Variants in WDPCP observed in about 807,000 individuals in gnomAD.
The protein encoded by WDPCP is WD repeat-containing and planar cell polarity effector protein fritz homolog.
WDPCP carries 71 observed loss-of-function variants against 93.1 expected under a neutral mutation model. The ratio of observed to expected loss-of-function variants is 0.76; its 90% CI spans 0.63 to 0.93. The LOEUF (loss-of-function observed/expected upper bound fraction) is 0.93. Among genes scored for constraint, WDPCP ranks in the 40% least tolerant of loss-of-function variants. The probability of loss-of-function intolerance (pLI) is 0.00; values close to 1 mark genes in which losing one functional copy is unlikely to be tolerated. For synonymous variants in WDPCP, 315 were observed against 315.0 expected, an observed-to-expected ratio of 1.00 and a Z score of 0.00; for missense variants, 844 against 887.4, an observed-to-expected ratio of 0.95 and a Z score of 0.62.
At chr2:63,162,952 GC>G (rs1411007182) in intron 15 of WDPCP, among the ~76,000 whole-genome samples, 5 of 152,094 alleles carry the variant, frequency 3.3e-5, no homozygotes, top group Admixed American at 2.6e-4. Context: ...AAATTTTGGT[GC>G]CTTAGATTTT....
intron 11 of WDPCP, among the ~76,000 whole-genome samples, chr2:63,379,633 T>G (rs1692137354): frequency 6.6e-6 from 1 of 152,192 alleles, no homozygotes; most frequent in African/African-American, 2.4e-5. Flanking sequence ...CATGGAATAC[T>G]CATAACTCCC....
intron 2 of WDPCP, among the ~76,000 whole-genome samples, chr2:63,767,338 T>A (rs1670156145): frequency 6.6e-6 from 1 of 152,164 alleles, no homozygotes; most frequent in African/African-American, 2.4e-5. Context: ...GGGTGTAAGT[T>A]TTCATTTATC....
At chr2:63,254,403 A>ACTT (rs1453358461) in intron 14 of WDPCP, among the ~76,000 whole-genome samples, 1 of 152,132 alleles carries the variant, frequency 6.6e-6, no homozygotes, top group Non-Finnish European at 1.5e-5. Flanking sequence ...AAAGAAAAAA[A>ACTT]CTTCTAAAAA....
intron 1 of WDPCP, 70 bp downstream of exon 1, chr2:63,588,127 G>C (rs1276220706): frequency 2.1e-5 from 32 of 1,524,790 alleles, no homozygotes; most frequent in Non-Finnish European, 2.7e-5. Flanking sequence ...AGCAAAGCGG[G>C]ACGGCGCACC....
chr2:63,158,868 G>A (rs1383927826), intron 15 of WDPCP, among the ~76,000 whole-genome samples: 11 of 150,930 alleles, frequency 7.3e-5, no homozygotes, highest in Non-Finnish European at 1.2e-4. Flanking sequence ...CAGGCATGGT[G>A]GCTCACACCT....
At chr2:63,655,456 C>T (rs562284389) in intron 2 of WDPCP, among the ~76,000 whole-genome samples, 5 of 152,084 alleles carry the variant, frequency 3.3e-5, no homozygotes, top group South Asian at 4.2e-4. Context: ...CCTTGCTATA[C>T]ACTCTTCTAT....
chr2:63,744,447 A>C (rs1669765739), intron 2 of WDPCP, among the ~76,000 whole-genome samples: 1 of 152,224 alleles, frequency 6.6e-6, no homozygotes. Context: ...GTTAATTGAT[A>C]AGCTTCTTCC....
intron 1 of WDPCP, among the ~76,000 whole-genome samples, chr2:63,523,333 A>C (rs751041724): frequency 6.6e-6 from 1 of 152,214 alleles, no homozygotes; most frequent in African/African-American, 2.4e-5. Flanking sequence ...ATTTATGACA[A>C]ACCCACAGCC....
chr2:63,122,895 A>G (rs969693059), intron 17 of WDPCP, among the ~76,000 whole-genome samples: 3 of 152,264 alleles, frequency 2.0e-5, no homozygotes, highest in South Asian at 2.1e-4. Flanking sequence ...TTATATCTTA[A>G]AAGTTATTTT....
At chr2:63,188,659 CTT>C (rs2104192954) in intron 14 of WDPCP, among the ~76,000 whole-genome samples, 1 of 152,004 alleles carries the variant, frequency 6.6e-6, no homozygotes, top group East Asian at 1.9e-4. Context: ...AATAGTTTCT[CTT>C]TGTTGATATT....
chr2:63,255,754 GAGACTAACACATTTCC>G (rs1227468745), intron 14 of WDPCP, among the ~76,000 whole-genome samples: 1 of 152,092 alleles, frequency 6.6e-6, no homozygotes, highest in African/African-American at 2.4e-5. Context: ...GCAATGCAAA[GAGACTAACACATTTCC>G]AGACGACATG....
chr2:63,534,007 C>CA (rs144011772), intron 1 of WDPCP, among the ~76,000 whole-genome samples: 40,132 of 151,330 alleles, frequency 0.27, 6,218 homozygotes, highest in East Asian at 0.72. Flanking sequence ...CAAATAGATG[C>CA]AAAAAAAATG....
chr2:63,546,870 TAAA>T (rs1705190992), intron 1 of WDPCP, among the ~76,000 whole-genome samples: 1 of 151,608 alleles, frequency 6.6e-6, no homozygotes, highest in South Asian at 2.1e-4. Flanking sequence ...TCTAAAGACA[TAAA>T]AAACAGGGTT....
At chr2:63,451,871 A>G (rs1263765298) in intron 6 of WDPCP, among the ~76,000 whole-genome samples, 1 of 152,240 alleles carries the variant, frequency 6.6e-6, no homozygotes, top group Non-Finnish European at 1.5e-5. Context: ...AGATGCAGAA[A>G]AGGCCTTTGA....
At chr2:63,566,637 T>C (rs1436030345) in intron 1 of WDPCP, among the ~76,000 whole-genome samples, 2 of 152,084 alleles carry the variant, frequency 1.3e-5, no homozygotes, top group East Asian at 1.9e-4. Context: ...TGTGTGGAGG[T>C]TGTCCACACC....
chr2:63,497,589 G>A (rs1341979002), intron 1 of WDPCP, among the ~76,000 whole-genome samples: 1 of 152,098 alleles, frequency 6.6e-6, no homozygotes, highest in Non-Finnish European at 1.5e-5. Context: ...ATAATAACTA[G>A]ATGGGCAAGG....
At chr2:63,392,374 C>A (rs983492193) in intron 10 of WDPCP, among the ~76,000 whole-genome samples, 3 of 152,156 alleles carry the variant, frequency 2.0e-5, no homozygotes, top group African/African-American at 7.2e-5. Context: ...ACACCTTATA[C>A]AAAAGTTAAT....
chr2:63,400,844 T>C (rs1694094571), intron 10 of WDPCP, among the ~76,000 whole-genome samples: 1 of 151,982 alleles, frequency 6.6e-6, no homozygotes, highest in African/African-American at 2.4e-5. Context: ...ACACCACACA[T>C]CTACAACTAT....
intron 2 of WDPCP, among the ~76,000 whole-genome samples, chr2:63,720,472 T>TA (rs1018775654): frequency 2.6e-5 from 4 of 151,610 alleles, no homozygotes; most frequent in South Asian, 2.1e-4. Context: ...TATCCTCAAT[T>TA]AAAAAAAATC....
Sources: allele counts gnomAD v4.1 joint callset (sites outside exome capture counted in the v4.1 genomes callset), GRCh38; gene constraint gnomAD v4.1.1; transcripts MANE v1.5; gene names NCBI Gene and HGNC (gene_info 2026-07-23, HGNC 2026-07-21).